Variants in FLT3 observed in about 807,000 individuals in gnomAD.
FLT3 encodes fms related receptor tyrosine kinase 3.
Under a neutral mutation model 126.6 loss-of-function variants are expected in FLT3, and 46 were observed. The observed-to-expected ratio is 0.36, with a 90% CI of 0.29 to 0.46. The LOEUF (loss-of-function observed/expected upper bound fraction) is 0.46, where lower values mean the gene tolerates loss of function less well. FLT3 is among the 20% of genes least tolerant of loss of function. The probability of loss-of-function intolerance (pLI) is 1.00; values close to 1 mark genes in which losing one functional copy is unlikely to be tolerated. For missense variants in FLT3, 1,069 were observed against 1,190.3 expected (o/e 0.90, Z 1.50); for synonymous variants, 404 against 434.4 (o/e 0.93, Z 0.87).
intron 1 of FLT3, among the ~76,000 whole-genome samples, chr13:28,087,360 C>T (rs1375513205): frequency 6.6e-6 from 1 of 152,156 alleles, no homozygotes; most frequent in Non-Finnish European, 1.5e-5. Flanking sequence ...AAAGATGTTG[C>T]AATGTTTCTT....
chr13:28,010,148 TC>T lies in FLT3; in HGVS notation c.2859+4303del, dbSNP rs577847335. 2.7e-3 allele frequency among the ~76,000 whole-genome samples: 414 copies of T among 152,332 alleles called. 1 individual carries two copies. The highest frequency in any genetic ancestry group is 9.5e-3 in the African/African-American group (397 of 41,576). ...TTCCAGAAATGTTTGCTGAGCGCCT[TC>T]CACGTGCTAAGCATCATGCTAGCAG... On this transcript the variant is annotated intron_variant, in intron 23 of 23. Transcript: ENST00000241453.
At chr13:28,013,050 C>G (rs577208032) in intron 23 of FLT3, among the ~76,000 whole-genome samples, 4 of 152,124 alleles carry the variant, frequency 2.6e-5, no homozygotes, top group Non-Finnish European at 5.9e-5. Context: ...CTTATGGTGT[C>G]ATGAACAGTT....
Position 28,034,377 on chromosome 13 carries a change from G to A in FLT3, c.1628C>T (p.Ser543Leu), listed in dbSNP as rs774257127. 9.3e-6 allele frequency: 15 copies of A among 1,613,956 alleles called. No homozygotes were observed. The South Asian group carries it at 1.5e-4, about 17-fold the overall frequency. Residue 543 changes from serine (S) to leucine (L), a missense_variant, in exon 13 of 24, where the codon TCA (serine) becomes TTA (leucine). By Grantham distance (145) the Ser-to-Leu change is moderately radical (BLOSUM62 -2). Transcript: ENST00000241453. ...GPFPFIQDNISFYATIGVCLL... is the reference protein window; with the variant it reads ...GPFPFIQDNILFYATIGVCLL... ...ACAAACACCAATTGTTGCATAGAATGAGATGTTGTCTTGGATGAAAGGGAA... is the reference window on the plus strand; with the variant it reads ...ACAAACACCAATTGTTGCATAGAATAAGATGTTGTCTTGGATGAAAGGGAA...
At position 28,061,974 on chromosome 13, in the gene FLT3, A is replaced by G. The variant is rs764770806; in HGVS notation, c.261T>C (p.Ala87=). 6.2e-7 allele frequency: 1 copy of G among 1,613,744 alleles called. No homozygotes were observed. The highest frequency in any genetic ancestry group is 1.1e-5 in the South Asian group (1 of 91,060). The change falls in exon 3 of 24, where the codon GCT becomes GCC. Residue 87 remains alanine, a synonymous_variant. Transcript: ENST00000241453. ...EAAAVEVDVS[A]SITLQVLVDA... is the part of the protein sequence containing the mutation. ...CGACCAGCACTTGCAGTGTGATGGA[A>G]GCAGATACATCCACTTCCACAGCGG...
At chr13:28,062,359 G>A (rs1420041483) in intron 2 of FLT3, among the ~76,000 whole-genome samples, 1 of 152,104 alleles carries the variant, frequency 6.6e-6, no homozygotes, top group African/African-American at 2.4e-5. Flanking sequence ...ACCCTCAAAT[G>A]CAACTTTATT....
At chr13:28,013,156 G>A (rs1241508589) in intron 23 of FLT3, among the ~76,000 whole-genome samples, 1 of 151,954 alleles carries the variant, frequency 6.6e-6, no homozygotes, top group Non-Finnish European at 1.5e-5. Flanking sequence ...TAGTTTCCAT[G>A]TCATTTTCAA....
At chr13:28,071,833 G>A (rs1566097607) in intron 1 of FLT3, among the ~76,000 whole-genome samples, 1 of 151,914 alleles carries the variant, frequency 6.6e-6, no homozygotes, top group African/African-American at 2.4e-5. Flanking sequence ...TTCATCATCT[G>A]CTTCTTCTTT....
intron 1 of FLT3, among the ~76,000 whole-genome samples, chr13:28,094,031 G>A (rs553175671): frequency 5.9e-5 from 9 of 152,240 alleles, no homozygotes; most frequent in South Asian, 4.1e-4. Context: ...TGCAAAACAC[G>A]TGCCTAACAA....
intron 1 of FLT3, among the ~76,000 whole-genome samples, chr13:28,081,844 CTTTTTTTTTTTT>C (rs35243277): frequency 4.8e-4 from 31 of 64,986 alleles, no homozygotes; most frequent in Non-Finnish European, 6.4e-4. Flanking sequence ...TACTTTGATT[CTTTTTTTTTTTT>C]TTTTTTTTTT....
At chr13:28,089,679 A>G (rs1167239648) in intron 1 of FLT3, among the ~76,000 whole-genome samples, 1 of 152,016 alleles carries the variant, frequency 6.6e-6, no homozygotes, top group Non-Finnish European at 1.5e-5. Flanking sequence ...GAAAGAGAGT[A>G]CTGGTTGTGA....
chr13:28,056,406 C>G (rs9579150), intron 4 of FLT3, among the ~76,000 whole-genome samples: 24,847 of 152,048 alleles, frequency 0.16, 2,189 homozygotes, highest in Middle Eastern at 0.26. Context: ...GTCAATGTGT[C>G]GGGGGGACCT....
At chr13:28,084,533 A>T (rs983293844) in intron 1 of FLT3, among the ~76,000 whole-genome samples, 6 of 151,150 alleles carry the variant, frequency 4.0e-5, no homozygotes, top group African/African-American at 1.5e-4. Context: ...ATTTTTTTCT[A>T]ATTTTTGTAG....
rs1871789748 is a variant in FLT3, at chr13:28,015,673, G to A, written c.2570C>T (p.Pro857Leu). 6.2e-7 allele frequency: 1 copy of A among 1,606,762 alleles called. No homozygotes were observed. The highest frequency in any genetic ancestry group is 8.5e-7 in the Non-Finnish European group (1 of 1,176,612). Residue 857 changes from proline (P) to leucine (L), a missense_variant, in exon 21 of 24, where the codon CCC becomes CTC. By Grantham distance (98) the Pro-to-Leu change is moderately conservative. Coordinates refer to ENST00000241453, the MANE Select transcript of FLT3 (RefSeq NM_004119.3). ...NARLPVKWMA[P>L]ESLFEGIYTI... is the part of the protein sequence containing the mutation. The stretch of plus-strand genomic sequence containing the variant: ...GTAGATGCCTTCAAACAGGCTTTCG[G>A]GGGCCATCCATTTTACAGGCAGACG...
At chr13:28,009,458 T>A (rs1438605055) in intron 23 of FLT3, 5 of 152,246 alleles carry the variant, frequency 3.3e-5, no homozygotes, top group Non-Finnish European at 5.9e-5. Context: ...CAATTTTAAC[T>A]GCTTTCATTG....
intron 14 of FLT3, 43 bp downstream of exon 14, chr13:28,034,039 G>C (rs2137674043): frequency 6.2e-7 from 1 of 1,613,306 alleles, no homozygotes; most frequent in South Asian, 1.1e-5. Flanking sequence ...TTTTCCAATG[G>C]AAAAGAAATG....
chr13:28,073,107 G>A (rs1877670531), intron 1 of FLT3, among the ~76,000 whole-genome samples: 1 of 152,134 alleles, frequency 6.6e-6, no homozygotes, highest in Admixed American at 6.5e-5. Flanking sequence ...TTGGGAGGCT[G>A]AGGTGGGTGG....
At chr13:28,040,297 G>A (rs1356916310) in intron 9 of FLT3, among the ~76,000 whole-genome samples, 4 of 152,054 alleles carry the variant, frequency 2.6e-5, no homozygotes, top group Admixed American at 6.6e-5. Context: ...CAAGGGGAGC[G>A]TTGTTTAATG....
intron 4 of FLT3, among the ~76,000 whole-genome samples, chr13:28,053,397 G>GATATATAT (rs10522717): frequency 1.3e-4 from 18 of 134,882 alleles, no homozygotes; most frequent in South Asian, 4.5e-4. Flanking sequence ...TGTACTGTTT[G>GATATATAT]ATATATATAT....
chr13:28,014,654 G>A (rs1871681294), intron 22 of FLT3, 97 bp from the exon 23 acceptor site: 2 of 803,080 alleles, frequency 2.5e-6, no homozygotes, highest in Admixed American at 2.3e-5. Context: ...TTCCTCTGGA[G>A]CTGCTTATTT....
Sources: gnomAD v4.1 joint callset for allele counts (sites outside exome capture counted in the v4.1 genomes callset) on GRCh38, gnomAD v4.1.1 for gene constraint, MANE v1.5 for transcripts, NCBI Gene and HGNC (gene_info 2026-07-23, HGNC 2026-07-21) for gene names.